ANP32B: variants seen among roughly 807,000 people sequenced by gnomAD.
ANP32B encodes the protein acidic nuclear phosphoprotein 32 family member B, also known as acidic leucine-rich nuclear phosphoprotein 32 family member B.
ANP32B carries 6 observed loss-of-function variants against 32.2 expected under a neutral mutation model. The ratio of observed to expected loss-of-function variants is 0.19; its 90% CI spans 0.10 to 0.37. The LOEUF is 0.37. ANP32B is among the 10% of genes least tolerant of loss of function. ANP32B has a pLI of 1.00. For synonymous variants in ANP32B, 98 were observed against 105.8 expected (o/e 0.93, Z 0.45); for missense variants, 204 against 289.2 (o/e 0.71, Z 2.14).
At chr9:98,003,213 T>C (rs1279073491) in intron 3 of ANP32B, among the ~76,000 whole-genome samples, 1 of 152,232 alleles carries the variant, frequency 6.6e-6, no homozygotes, top group Non-Finnish European at 1.5e-5. Flanking sequence ...GACTCTTGGA[T>C]CATTGTACAA....
intron 4 of ANP32B, among the ~76,000 whole-genome samples, chr9:98,006,078 C>G (rs886720309): frequency 2.1e-5 from 3 of 144,720 alleles, no homozygotes; most frequent in African/African-American, 7.3e-5. Flanking sequence ...AATCTAATGC[C>G]TGATGATCCG....
At position 98,011,404 on chromosome 9, in the gene ANP32B, T is replaced by G; in HGVS notation, c.636+15T>G. ...TCAGTGAGGAGGTCAGTGCAGCTGT[T>G]TTCTACCCTGCTTCCTATTTGTAAT... On this transcript the variant is annotated intron_variant, in intron 5 of 6. Coordinates refer to ENST00000339399, the MANE Select transcript of ANP32B (RefSeq NM_006401.3). 1.3e-6 allele frequency: 2 copies of G among 1,581,196 alleles called. No individual in the cohort carries two copies. Among genetic ancestry groups the G allele is most frequent in the Non-Finnish European group, 1.7e-6 (2 of 1,162,098 alleles).
At chr9:97,998,512 T>G (rs991609986) in intron 2 of ANP32B, 44 bp from the exon 3 acceptor site, 1 of 1,554,932 alleles carries the variant, frequency 6.4e-7, no homozygotes, top group African/African-American at 1.4e-5. Flanking sequence ...TTTCTGTTTC[T>G]CTGTGTGTAT....
At position 98,009,715 on chromosome 9, in the gene ANP32B, C is replaced by T. The variant is rs569930879; in HGVS notation, c.518-1556C>T. On this transcript the variant is annotated intron_variant, in intron 4 of 6. Transcript: ENST00000339399. The stretch of plus-strand genomic sequence containing the variant: ...GTACCAGTCCTGGGAGTTGGGAACC[C>T]CTGGTTTGGAGGAAGCAGAATGATT... Among the ~76,000 whole-genome samples, 5 of 152,328 alleles carry T rather than the reference C, an allele frequency of 3.3e-5. No homozygotes were observed. In the South Asian group the frequency reaches 1.0e-3, roughly 32 times the overall value.
intron 1 of ANP32B, among the ~76,000 whole-genome samples, chr9:97,984,847 C>T (rs1214340655): frequency 3.6e-4 from 54 of 150,340 alleles, no homozygotes; most frequent in Non-Finnish European, 4.5e-4. Flanking sequence ...CCGCGCCGGG[C>T]GCGCGGGATT....
At chr9:98,008,823 A>G (rs1227713517) in intron 4 of ANP32B, among the ~76,000 whole-genome samples, 2 of 152,182 alleles carry the variant, frequency 1.3e-5, no homozygotes, top group African/African-American at 4.8e-5. Flanking sequence ...ATATATTACA[A>G]TGTAATAATA....
chr9:98,010,711 C>T (rs1022767338), intron 4 of ANP32B, among the ~76,000 whole-genome samples: 1 of 152,104 alleles, frequency 6.6e-6, no homozygotes, highest in African/African-American at 2.4e-5. Context: ...TCCGAACAAC[C>T]AGCTAGAGAT....
At chr9:97,995,087 T>C (rs951592669) in intron 2 of ANP32B, among the ~76,000 whole-genome samples, 1 of 152,248 alleles carries the variant, frequency 6.6e-6, no homozygotes. Flanking sequence ...GAATAATTAC[T>C]GTGTTGAGTA....
At chr9:98,011,851 C>T (rs1183852546) in intron 5 of ANP32B, among the ~76,000 whole-genome samples, 2 of 152,154 alleles carry the variant, frequency 1.3e-5, no homozygotes, top group African/African-American at 4.8e-5. Context: ...CCTGAAAGAG[C>T]ACAGTCTGGT....
chr9:98,000,148 GTA>G (rs1047572457), intron 3 of ANP32B, among the ~76,000 whole-genome samples: 10 of 152,144 alleles, frequency 6.6e-5, no homozygotes, highest in African/African-American at 2.4e-4. Flanking sequence ...TTGTGCATGT[GTA>G]TATGTATTCT....
intron 2 of ANP32B, 39 bp from the exon 3 acceptor site, chr9:97,998,517 G>A (rs1022963374): frequency 1.5e-5 from 23 of 1,571,732 alleles, no homozygotes; most frequent in Admixed American, 4.0e-5. Context: ...GTTTCTCTGT[G>A]TGTATTTGTG....
At chr9:98,006,881 G>A (rs1357291475) in intron 4 of ANP32B, among the ~76,000 whole-genome samples, 1 of 152,066 alleles carries the variant, frequency 6.6e-6, no homozygotes, top group Non-Finnish European at 1.5e-5. Flanking sequence ...CCAGCTTCTC[G>A]GGAGGCTGAG....
At chr9:98,006,444 T>C (rs1828084511) in intron 4 of ANP32B, among the ~76,000 whole-genome samples, 1 of 121,572 alleles carries the variant, frequency 8.2e-6, no homozygotes, top group African/African-American at 3.7e-5. Flanking sequence ...CAGTCACAGT[T>C]TTGTTAGGCC....
intron 1 of ANP32B, among the ~76,000 whole-genome samples, chr9:97,989,261 G>T (rs962797573): frequency 3.9e-5 from 6 of 152,124 alleles, no homozygotes; most frequent in African/African-American, 1.4e-4. Context: ...GATCTGAAAA[G>T]GTATTTGGCT....
Position 97,998,587 on chromosome 9 carries a change from G to T in ANP32B, c.236G>T (p.Gly79Val), listed in dbSNP as rs1231206458. Residue 79 changes from glycine to valine, a missense_variant, in exon 3 of 7, where the codon GGT becomes GTT. Gly to Val is a moderately radical substitution (Grantham distance 109). Transcript: ENST00000339399. ...LELSENRIFGGLDMLAEKLPN... is the reference protein window; with the variant it reads ...LELSENRIFGVLDMLAEKLPN... ...CTCAGTGAAAATAGAATCTTTGGAG[G>T]TCTGGACATGTTAGCTGAAAAACTT... 2.5e-6 allele frequency: 4 copies of T among 1,611,430 alleles called. No homozygotes were observed. Among genetic ancestry groups the T allele is most frequent in the Non-Finnish European group, 2.5e-6 (3 of 1,179,138 alleles).
chr9:97,985,380 TG>T (rs1001810586), intron 1 of ANP32B, among the ~76,000 whole-genome samples: 12 of 151,946 alleles, frequency 7.9e-5, no homozygotes, highest in African/African-American at 2.9e-4. Flanking sequence ...CCCGCGAGGG[TG>T]GGCCGCTCCG....
chr9:98,015,346 A>AT lies in ANP32B; in HGVS notation c.689-13dup. 6.4e-7 allele frequency: 1 copy of AT among 1,550,548 alleles called. No individual in the cohort carries two copies. Among genetic ancestry groups the AT allele is most frequent in the Non-Finnish European group, 8.7e-7 (1 of 1,146,508 alleles). Reference sequence around the variant, plus strand: ...ATGCCTTTCCACTGTCCTAAAGTCAATTTTTGTTACTGTACAGAGGAGGAA... The same window carrying AT: ...ATGCCTTTCCACTGTCCTAAAGTCAATTTTTTGTTACTGTACAGAGGAGGAA... On this transcript the variant is annotated splice_polypyrimidine_tract_variant and intron_variant, in intron 6 of 6. Coordinates refer to ENST00000339399, the MANE Select transcript of ANP32B (RefSeq NM_006401.3).
chr9:98,004,894 C>A (rs926177329), intron 3 of ANP32B, 70 bp from the exon 4 acceptor site: 11 of 1,296,440 alleles, frequency 8.5e-6, no homozygotes, highest in Non-Finnish European at 1.1e-5. Flanking sequence ...AATTTTACCT[C>A]TTCAAGAGAT....
Position 98,005,164 on chromosome 9 carries a change from T to C in ANP32B, c.517+11T>C, listed in dbSNP as rs769985927. The C allele has an allele frequency of 8.1e-6, 13 of 1,610,862 alleles. No homozygotes were observed. Among genetic ancestry groups the C allele is most frequent in the Non-Finnish European group, 1.0e-5 (12 of 1,178,680 alleles). ...AGGAGGAGGACGAAGGTGAGTAGGC[T>C]CAGCATCTGGTGAACCTGATGTCTG... On this transcript the variant is annotated intron_variant, in intron 4 of 6. Coordinates refer to ENST00000339399, the MANE Select transcript of ANP32B (RefSeq NM_006401.3).
Sources: gnomAD v4.1 joint callset for allele counts (sites outside exome capture counted in the v4.1 genomes callset) on GRCh38, gnomAD v4.1.1 for gene constraint, MANE v1.5 for transcripts, NCBI Gene and HGNC (gene_info 2026-07-23, HGNC 2026-07-21) for gene names.